Variants in SLC3A1 observed in about 807,000 individuals in gnomAD.
SLC3A1 encodes the protein amino acid transporter heavy chain SLC3A1.
A neutral mutation model predicts 60.3 loss-of-function variants in SLC3A1; 78 were observed. The ratio of observed to expected loss-of-function variants is 1.29; its 90% CI spans 1.08 to 1.56. The LOEUF (loss-of-function observed/expected upper bound fraction) is 1.56, where lower values mean the gene tolerates loss of function less well. Ranked by LOEUF, SLC3A1 falls within the 40% of genes most tolerant of loss-of-function variation. SLC3A1 has a pLI of 0.00. For synonymous variants in SLC3A1, 392 were observed against 307.9 expected (o/e 1.27, Z -2.86); for missense variants, 1,172 against 858.9 (o/e 1.36, Z -4.56).
At chr2:44,303,368 C>G (rs546516749) in intron 6 of SLC3A1, among the ~76,000 whole-genome samples, 2 of 150,056 alleles carry the variant, frequency 1.3e-5, no homozygotes, top group African/African-American at 4.9e-5. Flanking sequence ...CTTGGCCTTC[C>G]GAGTAGCTGG....
chr2:44,303,848 G>C lies in SLC3A1; in HGVS notation c.1137-295G>C, dbSNP rs1484278319. The C allele has an allele frequency of 5.4e-6, 3 of 554,076 alleles. No individual in the cohort carries two copies. In the African/African-American group the frequency reaches 5.7e-5, roughly 10 times the overall value. The allele number at this position is 554,076 out of a possible 1,614,324, so 34.3% of individuals were successfully genotyped here. On this transcript the variant is annotated intron_variant, in intron 6 of 9. Transcript: ENST00000260649. ...ATGCGGTGTTTGGTTTTCTGTCCTT[G>C]TGATAGTTTGCTTAGAATGATGGTT...
intron 4 of SLC3A1, among the ~76,000 whole-genome samples, chr2:44,287,299 T>A (rs72873476): frequency 4.6e-5 from 7 of 152,166 alleles, no homozygotes; most frequent in African/African-American, 1.7e-4. Context: ...TATGATGAGA[T>A]GCTGTTTGGA....
Position 44,281,493 on chromosome 2 carries a change from G to T in SLC3A1, c.717G>T (p.Trp239Cys). 1 of 1,613,850 alleles carries T rather than the reference G, an allele frequency of 6.2e-7. No individual in the cohort carries two copies. Among genetic ancestry groups the T allele is most frequent in the Non-Finnish European group, 8.5e-7 (1 of 1,179,832 alleles). Residue 239 changes from tryptophan to cysteine, a missense_variant, in exon 3 of 10, where the codon TGG becomes TGT. By Grantham distance (215) the Trp-to-Cys change is radical. Transcript: ENST00000260649. ...RTGKYTDYYI[W>C]HDCTHENGKT... ...GAAAATATACTGATTATTATATCTG[G>T]CATGACTGTACCCATGAAAATGGCA...
At chr2:44,281,141 T>C (rs902448963) in intron 2 of SLC3A1, among the ~76,000 whole-genome samples, 75 of 118,144 alleles carry the variant, frequency 6.3e-4, no homozygotes, top group Admixed American at 9.6e-4. Context: ...TCCCCTCCCC[T>C]CCCCTCTCCT....
downstream of SLC3A1, chr2:44,321,547 C>T (rs1024945874): frequency 2.0e-6 from 3 of 1,516,546 alleles, no homozygotes; most frequent in Non-Finnish European, 2.6e-6. Flanking sequence ...ACCGTGAAGT[C>T]AGCAATTTAT....
At chr2:44,310,439 C>G (rs1672265983) in intron 7 of SLC3A1, among the ~76,000 whole-genome samples, 1 of 151,928 alleles carries the variant, frequency 6.6e-6, no homozygotes, top group Non-Finnish European at 1.5e-5. Flanking sequence ...TTCTTTCTTT[C>G]ATCACTTTGA....
chr2:44,304,346 C>G lies in SLC3A1; in HGVS notation c.1332+8C>G, dbSNP rs747431041. On this transcript the variant is annotated splice_region_variant and intron_variant, in intron 7 of 9. Transcript: ENST00000260649. ...AAATGGCCTAACTGGATGGTAAGTCCTCATGACAGCAGAGTACATAATGTG... is the reference window on the plus strand; with the variant it reads ...AAATGGCCTAACTGGATGGTAAGTCGTCATGACAGCAGAGTACATAATGTG... 1.0e-5 allele frequency: 16 copies of G among 1,601,598 alleles called. No homozygotes were observed. Among genetic ancestry groups the G allele is most frequent in the Non-Finnish European group, 2.6e-6 (3 of 1,168,656 alleles).
intron 4 of SLC3A1, among the ~76,000 whole-genome samples, chr2:44,288,193 A>G (rs1019237541): frequency 1.3e-5 from 2 of 151,910 alleles, no homozygotes; most frequent in South Asian, 2.1e-4. Flanking sequence ...TGCCCGGCTA[A>G]TTTTTGTATT....
rs754264013 is a variant in SLC3A1, at chr2:44,301,080, C to A, written c.1089C>A (p.Ser363Arg). ...TGGGAATGCACGACATTGTCCGCAG[C>A]TTCCGGCAGACCATGGACCAATACA... ...TQVGMHDIVR[S>R]FRQTMDQYST... The change falls in exon 6 of 10, where the codon AGC becomes AGA. Residue 363 changes from serine (S) to arginine (R), a missense_variant. Coordinates refer to ENST00000260649, the MANE Select transcript of SLC3A1 (RefSeq NM_000341.4). 2 of 1,614,060 alleles carry A rather than the reference C, an allele frequency of 1.2e-6. No homozygotes were observed. Among genetic ancestry groups the A allele is most frequent in the Non-Finnish European group, 1.7e-6 (2 of 1,180,042 alleles).
In SLC3A1 at chr2:44,314,239, T is replaced by A. The variant is rs1572816622; in HGVS notation, c.1617+288T>A. On this transcript the variant is annotated intron_variant, in intron 9 of 9. Transcript: ENST00000260649. ...GAGCTATGAAGGAAATTTTATGAAGTTTTTTAGCTAGCCCAGCTGCCTTTC... is the reference window on the plus strand; with the variant it reads ...GAGCTATGAAGGAAATTTTATGAAGATTTTTAGCTAGCCCAGCTGCCTTTC... 2.0e-5 allele frequency: 14 copies of A among 690,862 alleles called. 1 individual carries two copies. The South Asian group carries it at 2.7e-4, about 13-fold the overall frequency. 42.8% of individuals were successfully genotyped at this position (690,862 alleles called of 1,614,324 possible).
chr2:44,312,464 T>C, intron 7 of SLC3A1, 122 bp from the exon 8 acceptor site: 1 of 1,012,232 alleles, frequency 9.9e-7, no homozygotes, highest in Non-Finnish European at 1.6e-6. Context: ...AAGTCCAGGC[T>C]TGCTAGTACC....
downstream of SLC3A1, among the ~76,000 whole-genome samples, chr2:44,322,206 C>A (rs527482502): frequency 1.3e-5 from 2 of 152,172 alleles, no homozygotes; most frequent in South Asian, 4.1e-4. Context: ...CTGGAAACAC[C>A]AACTACAGCA....
intron 4 of SLC3A1, among the ~76,000 whole-genome samples, chr2:44,286,870 T>C (rs895649636): frequency 6.6e-6 from 1 of 152,246 alleles, no homozygotes; most frequent in Admixed American, 6.5e-5. Flanking sequence ...GACAGTGAGC[T>C]GCTGCAGGGA....
intron 9 of SLC3A1, 95 bp from the exon 10 acceptor site, chr2:44,320,104 T>G: frequency 9.1e-7 from 1 of 1,094,172 alleles, no homozygotes; most frequent in Non-Finnish European, 1.3e-6. Flanking sequence ...TTGGAGCAAG[T>G]GTTTTGGGTA....
At position 44,320,265 on chromosome 2, in the gene SLC3A1, G is replaced by C. The variant is rs778494750; in HGVS notation, c.1684G>C (p.Glu562Gln). Residue 562 changes from glutamate (E) to glutamine (Q), a missense_variant, in exon 10 of 10, where the codon GAG becomes CAG. Glu to Gln is a conservative substitution (Grantham distance 29, BLOSUM62 2). Coordinates refer to ENST00000260649, the MANE Select transcript of SLC3A1 (RefSeq NM_000341.4). ...YQDLSLLHAN[E>Q]LLLNRGWFCH... ...AGATTTAAGTCTACTTCATGCCAAT[G>C]AGCTACTCCTCAACAGGGGCTGGTT... is the stretch of plus-strand genomic sequence containing the variant. 8 of 1,614,092 alleles carry C rather than the reference G, an allele frequency of 5.0e-6. No individual in the cohort carries two copies. Among genetic ancestry groups the C allele is most frequent in the Non-Finnish European group, 6.8e-6 (8 of 1,179,976 alleles).
intron 1 of SLC3A1, among the ~76,000 whole-genome samples, chr2:44,276,325 A>G (rs1407866045): frequency 6.6e-6 from 1 of 152,172 alleles, no homozygotes; most frequent in Non-Finnish European, 1.5e-5. Context: ...TCAGGGTGGC[A>G]GTTGGGAATT....
chr2:44,304,243 C>G lies in SLC3A1; in HGVS notation c.1237C>G (p.Leu413Val), dbSNP rs368197454. Residue 413 changes from leucine to valine, a missense_variant, in exon 7 of 10, where the codon CTC (leucine) becomes GTC (valine). Transcript: ENST00000260649. ...QEADFPFNNY[L>V]SMLDTVSGNS... ...AGCTGATTTTCCCTTCAACAATTAC[C>G]TCAGCATGCTAGACACTGTTTCTGG... 12 of 1,613,936 alleles carry G rather than the reference C, an allele frequency of 7.4e-6. No homozygotes were observed. In the African/African-American group the frequency reaches 8.0e-5, roughly 11 times the overall value.
rs750379624 is a variant in SLC3A1 at position 44,300,170 on chromosome 2, C to A, written c.1011+80C>A. 15 of 1,406,336 alleles carry A rather than the reference C, an allele frequency of 1.1e-5. No homozygotes were observed. In the Admixed American group the frequency reaches 2.6e-4, roughly 24 times the overall value. 87.1% of individuals were successfully genotyped at this position (1,406,336 alleles called of 1,614,324 possible). A position where few individuals can be genotyped will look rare whatever the true frequency, so the allele number is the denominator to read the frequency against. On this transcript the variant is annotated intron_variant, in intron 5 of 9. Coordinates refer to ENST00000260649, the MANE Select transcript of SLC3A1 (RefSeq NM_000341.4). ...GTGTTTTCTTTCTCAGCCTGAGATA[C>A]CAGTTACAAAGATGAGTTTTGTCCT...
At position 44,312,680 on chromosome 2, in the gene SLC3A1, C is replaced by T; in HGVS notation, c.1427C>T (p.Pro476Leu). The change falls in exon 8 of 10, where the codon CCT becomes CTT. Residue 476 changes from proline (P) to leucine (L), a missense_variant. Coordinates refer to ENST00000260649, the MANE Select transcript of SLC3A1 (RefSeq NM_000341.4). Reference sequence around the variant, plus strand: ...CTTCTTTTCACACTCCCTGGAACTCCTATAACTTACTATGGAGAAGAAATT... The same window carrying T: ...CTTCTTTTCACACTCCCTGGAACTCTTATAACTTACTATGGAGAAGAAATT... ...NMLLFTLPGT[P>L]ITYYGEEIGM... The T allele has an allele frequency of 6.2e-7, 1 of 1,613,602 alleles. No homozygotes were observed. Among genetic ancestry groups the T allele is most frequent in the Non-Finnish European group, 8.5e-7 (1 of 1,179,580 alleles).
Sources: gnomAD v4.1 joint callset for allele counts (sites outside exome capture counted in the v4.1 genomes callset) on GRCh38, gnomAD v4.1.1 for gene constraint, MANE v1.5 for transcripts, NCBI Gene and HGNC (gene_info 2026-07-23, HGNC 2026-07-21) for gene names.